SHISA9: variants seen among roughly 807,000 people sequenced by gnomAD.
SHISA9 encodes the protein protein shisa-9.
In SHISA9, 13 loss-of-function variants were observed where a neutral mutation model predicts 38.0. The ratio of observed to expected loss-of-function variants is 0.34; its 90% CI spans 0.22 to 0.54. The LOEUF (loss-of-function observed/expected upper bound fraction) is 0.54. SHISA9 is among the 20% of genes least tolerant of loss of function. The pLI is 0.91. For missense variants in SHISA9, 538 were observed against 575.8 expected, an observed-to-expected ratio of 0.93 and a Z score of 0.67; for synonymous variants, 275 against 242.0, an observed-to-expected ratio of 1.14 and a Z score of -1.27.
intron 2 of SHISA9, chr16:13,197,674 T>A (rs1290070309): frequency 6.6e-6 from 1 of 152,188 alleles, no homozygotes; most frequent in African/African-American, 2.4e-5. Context: ...AAAAACAGCA[T>A]CACAGAAGGG....
chr16:13,015,622 C>G (rs956435974), intron 2 of SHISA9, among the ~76,000 whole-genome samples: 2 of 152,104 alleles, frequency 1.3e-5, no homozygotes, highest in Non-Finnish European at 2.9e-5. Context: ...AAAGTCAATG[C>G]TAGCGTAAAA....
At chr16:13,015,890 C>CTTTCTTTCTTTCTT (rs1555454827) in intron 2 of SHISA9, among the ~76,000 whole-genome samples, 1,256 of 117,116 alleles carry the variant, frequency 0.011, 13 homozygotes, top group Non-Finnish European at 0.014. Flanking sequence ...TTCTTTCTTT[C>CTTTCTTTCTTTCTT]TTTCTTTCTT....
the SHISA9 span, among the ~76,000 whole-genome samples, chr16:13,408,675 G>A: frequency 6.6e-6 from 1 of 152,132 alleles, no homozygotes; most frequent in African/African-American, 2.4e-5. Context: ...GTATACTTTA[G>A]AAGAATTTCC....
At chr16:13,556,763 T>C in the SHISA9 span, among the ~76,000 whole-genome samples, 1 of 151,634 alleles carries the variant, frequency 6.6e-6, no homozygotes, top group Non-Finnish European at 1.5e-5. Flanking sequence ...TCAAAAATAT[T>C]CTGAAAAATA....
intron 4 of SHISA9, among the ~76,000 whole-genome samples, chr16:13,233,032 A>G (rs2051347192): frequency 6.6e-6 from 1 of 152,200 alleles, no homozygotes; most frequent in African/African-American, 2.4e-5. Context: ...GGCCATTTCA[A>G]AGAACGACAA....
chr16:13,084,672 C>T (rs1476339980), intron 2 of SHISA9, among the ~76,000 whole-genome samples: 2 of 152,102 alleles, frequency 1.3e-5, no homozygotes, highest in African/African-American at 2.4e-5. Flanking sequence ...TGAAGAGGTT[C>T]GGGATGTTGT....
At chr16:13,426,605 G>A in the SHISA9 span, among the ~76,000 whole-genome samples, 1 of 152,156 alleles carries the variant, frequency 6.6e-6, no homozygotes, top group Non-Finnish European at 1.5e-5. Context: ...ATCGTTCGAA[G>A]TAAATAAGTT....
At position 13,172,568 on chromosome 16, in the gene SHISA9, G is replaced by T. The variant is rs141533641; in HGVS notation, c.692-30826G>T. On this transcript the variant is annotated intron_variant, in intron 2 of 4. Transcript: ENST00000558583. Reference sequence around the variant, plus strand: ...TCTAGGGCTCCTCAGTTTCTTTTTTGTGTGTGTGAAATAACAATGAAAACA... The same window carrying T: ...TCTAGGGCTCCTCAGTTTCTTTTTTTTGTGTGTGAAATAACAATGAAAACA... Among the ~76,000 whole-genome samples, 1,387 of 152,050 alleles carry T rather than the reference G, an allele frequency of 9.1e-3. 10 individuals carry two copies. Among genetic ancestry groups the T allele is most frequent in the African/African-American group, 0.024 (997 of 41,468 alleles).
the SHISA9 span, among the ~76,000 whole-genome samples, chr16:13,548,374 A>T: frequency 6.6e-6 from 1 of 152,210 alleles, no homozygotes; most frequent in Admixed American, 6.5e-5. Flanking sequence ...ACTACATTAA[A>T]TGAAACAACT....
chr16:13,439,940 G>A, the SHISA9 span, among the ~76,000 whole-genome samples: 1 of 152,304 alleles, frequency 6.6e-6, no homozygotes, highest in African/African-American at 2.4e-5. Flanking sequence ...CGATTTACCA[G>A]CATGGGCAGC....
rs1344415763 is a variant in SHISA9, at chr16:12,942,913, C to T, written c.691+26098C>T. ...ACACGTAGGTCTCAACAGATGTTCT[C>T]GGGGCTCTGACTTTATGGCTCTATC... On this transcript the variant is annotated intron_variant, in intron 2 of 4. Transcript: ENST00000558583. Among the ~76,000 whole-genome samples the T allele has an allele frequency of 5.9e-5, 9 of 152,234 alleles. No individual in the cohort carries two copies. In the South Asian group the frequency reaches 1.7e-3, roughly 28 times the overall value.
chr16:13,152,237 CT>C (rs541625856), intron 2 of SHISA9, among the ~76,000 whole-genome samples: 12 of 152,060 alleles, frequency 7.9e-5, no homozygotes, highest in South Asian at 2.1e-4. Flanking sequence ...ATTTCAGACA[CT>C]TTTTTTTCCC....
At chr16:12,970,359 A>ATATATATATACATATATG (rs2072044372) in intron 2 of SHISA9, among the ~76,000 whole-genome samples, 2 of 80,562 alleles carry the variant, frequency 2.5e-5, no homozygotes, top group Non-Finnish European at 4.9e-5. Flanking sequence ...ATGTGTATAT[A>ATATATATATACATATATG]TATATATATA....
At chr16:13,534,563 A>G in the SHISA9 span, among the ~76,000 whole-genome samples, 19 of 152,164 alleles carry the variant, frequency 1.2e-4, no homozygotes, top group African/African-American at 4.1e-4. Context: ...AATAACTTCC[A>G]AGTTGCCAAA....
intron 2 of SHISA9, among the ~76,000 whole-genome samples, chr16:13,025,589 T>G (rs571327712): frequency 6.6e-6 from 1 of 152,248 alleles, no homozygotes; most frequent in Admixed American, 6.5e-5. Flanking sequence ...ATCCTAATAT[T>G]GAGCCAGGGG....
At chr16:13,303,630 A>C in the SHISA9 span, among the ~76,000 whole-genome samples, 1 of 152,304 alleles carries the variant, frequency 6.6e-6, no homozygotes, top group Non-Finnish European at 1.5e-5. Context: ...AGGGTGCAGG[A>C]TTCCCTTTTA....
intron 2 of SHISA9, among the ~76,000 whole-genome samples, chr16:12,959,675 G>T (rs1394601706): frequency 6.6e-6 from 1 of 152,182 alleles, no homozygotes; most frequent in Non-Finnish European, 1.5e-5. Context: ...GCTCCATTGT[G>T]TAGAAGGGGA....
At chr16:13,072,026 A>C (rs544511035) in intron 2 of SHISA9, among the ~76,000 whole-genome samples, 1 of 152,190 alleles carries the variant, frequency 6.6e-6, no homozygotes, top group African/African-American at 2.4e-5. Context: ...CATTGCAGGG[A>C]TGTGAATGAG....
the SHISA9 span, among the ~76,000 whole-genome samples, chr16:13,312,966 A>G: frequency 6.6e-6 from 1 of 152,102 alleles, no homozygotes; most frequent in African/African-American, 2.4e-5. Context: ...TTAAATAAAA[A>G]AAACCCAGGC....
Sources: gnomAD v4.1 joint callset for allele counts (sites outside exome capture counted in the v4.1 genomes callset) on GRCh38, gnomAD v4.1.1 for gene constraint, MANE v1.5 for transcripts, NCBI Gene and HGNC (gene_info 2026-07-23, HGNC 2026-07-21) for gene names.